Variants in KCNQ1 observed in about 807,000 individuals in gnomAD.
KCNQ1 encodes the protein potassium voltage-gated channel subfamily Q member 1.
Under a neutral mutation model 72.4 loss-of-function variants are expected in KCNQ1, and 49 were observed. That is an observed-to-expected ratio of 0.68 (90% CI 0.54 to 0.86). KCNQ1 has a LOEUF of 0.86. Ranked by LOEUF, KCNQ1 falls within the 40% of genes least tolerant of loss-of-function variation. The pLI is 0.00. For synonymous variants in KCNQ1, 450 were observed against 412.6 expected, an observed-to-expected ratio of 1.09 and a Z score of -1.10; for missense variants, 790 against 945.1, an observed-to-expected ratio of 0.84 and a Z score of 2.15.
Position 2,654,235 on chromosome 11 carries a change from C to G in KCNQ1, c.1394-7726C>G. 1 of 398,672 alleles carries G rather than the reference C, an allele frequency of 2.5e-6. No individual in the cohort carries two copies. Among genetic ancestry groups the G allele is most frequent in the South Asian group, 1.3e-4 (1 of 7,856 alleles). 24.7% of individuals were successfully genotyped at this position (398,672 alleles called of 1,614,324 possible). Reference sequence around the variant, plus strand: ...CCTGGCTGCAGCTGTCCGGATGCCCCTGGGGAGGGCTTCTCCTTCACAGTG... The same window carrying G: ...CCTGGCTGCAGCTGTCCGGATGCCCGTGGGGAGGGCTTCTCCTTCACAGTG... On this transcript the variant is annotated intron_variant, in intron 10 of 15. Transcript: ENST00000155840. The surrounding 1 kb of genome is among the most constrained non-coding windows in gnomAD (Gnocchi z 6.4).
At chr11:2,553,804 C>T (rs1389613044) in intron 2 of KCNQ1, among the ~76,000 whole-genome samples, 1 of 152,098 alleles carries the variant, frequency 6.6e-6, no homozygotes, top group East Asian at 1.9e-4. Flanking sequence ...CAGCCTCTGC[C>T]TCCCAGGCTC....
chr11:2,528,086 G>A, intron 2 of KCNQ1, 68 bp downstream of exon 2: 2 of 1,357,274 alleles, frequency 1.5e-6, no homozygotes, highest in Non-Finnish European at 2.1e-6. Flanking sequence ...CCCTGGCGCT[G>A]GGCCCCATAA....
rs1384119120 is a variant in KCNQ1, at chr11:2,687,197, G to A, written c.1514+25116G>A. 5.0e-6 allele frequency: 2 copies of A among 398,646 alleles called. No homozygotes were observed. Among genetic ancestry groups the A allele is most frequent in the Non-Finnish European group, 8.8e-6 (2 of 226,076 alleles). The allele number at this position is 398,646 out of a possible 1,614,324, so 24.7% of individuals were successfully genotyped here. On this transcript the variant is annotated intron_variant, in intron 11 of 15. Transcript: ENST00000155840. The surrounding 1 kb of genome is among the most constrained non-coding windows in gnomAD (Gnocchi z 5.0). ...CTGCCAAAAGCCCAGGCTGGATAGG[G>A]AGCATCACACTGTTGGGAAATGTGC... is the stretch of plus-strand genomic sequence containing the variant.
chr11:2,615,677 A>G (rs1849049095), intron 10 of KCNQ1: 2 of 397,966 alleles, frequency 5.0e-6, no homozygotes, highest in South Asian at 1.3e-4. Context: ...AATGTGGTGT[A>G]TTACATTGAT....
intron 2 of KCNQ1, among the ~76,000 whole-genome samples, chr11:2,560,143 G>A (rs1300390398): frequency 9.1e-6 from 1 of 110,104 alleles, no homozygotes; most frequent in African/African-American, 3.5e-5. Context: ...GGGGGGAGAT[G>A]TCCAGCCCAG....
At chr11:2,542,169 T>A (rs769964982) in intron 2 of KCNQ1, among the ~76,000 whole-genome samples, 1 of 152,242 alleles carries the variant, frequency 6.6e-6, no homozygotes, top group Non-Finnish European at 1.5e-5. Flanking sequence ...TCCTCATGTG[T>A]GAAATTCAGG....
Position 2,626,164 on chromosome 11 carries a change from A to G in KCNQ1, c.1394-35797A>G, listed in dbSNP as rs192425187. 3 of 382,356 alleles carry G rather than the reference A, an allele frequency of 7.8e-6. No individual in the cohort carries two copies. The highest frequency in any genetic ancestry group is 3.6e-5 in the East Asian group (1 of 28,058). The allele number at this position is 382,356 out of a possible 1,614,324, so 23.7% of individuals were successfully genotyped here. A position where few individuals can be genotyped will look rare whatever the true frequency, so the allele number is the denominator to read the frequency against. On this transcript the variant is annotated intron_variant, in intron 10 of 15. Transcript: ENST00000155840. The surrounding 1 kb of genome is among the most constrained non-coding windows in gnomAD (Gnocchi z 4.0). ...GCCAATGATGTAAAGTTTTTCCCCTATGTTTCCTTATAAGACTTCATAGTT... is the reference window on the plus strand; with the variant it reads ...GCCAATGATGTAAAGTTTTTCCCCTGTGTTTCCTTATAAGACTTCATAGTT...
rs1158683877 is a variant in KCNQ1, at chr11:2,538,511, C to T, written c.477+10493C>T. On this transcript the variant is annotated intron_variant, in intron 2 of 15. Transcript: ENST00000155840. The surrounding 1 kb of genome is among the most constrained non-coding windows in gnomAD (Gnocchi z 6.7). ...GACAGGGTTTGGATTGGCTGCGTTC[C>T]TGTCTGAAGGCAGCTGCTTGGGAGG... Among the ~76,000 whole-genome samples the T allele has an allele frequency of 6.6e-6, 1 of 152,198 alleles. No homozygotes were observed. The highest frequency in any genetic ancestry group is 2.4e-5 in the African/African-American group (1 of 41,450).
intron 11 of KCNQ1, among the ~76,000 whole-genome samples, chr11:2,705,556 G>A (rs1850894731): frequency 6.6e-6 from 1 of 152,172 alleles, no homozygotes; most frequent in Admixed American, 6.5e-5. Flanking sequence ...ACCTTCCAGA[G>A]GCAGCTTCCT....
rs191961588 is a variant in KCNQ1 at position 2,637,277 on chromosome 11, G to C, written c.1394-24684G>C. 5.3e-5 allele frequency: 8 copies of C among 152,202 alleles called. No homozygotes were observed. The East Asian group carries it at 1.5e-3, about 29-fold the overall frequency. The allele number at this position is 152,202 out of a possible 1,614,324, so 9.4% of individuals were successfully genotyped here. A position where few individuals can be genotyped will look rare whatever the true frequency, so the allele number is the denominator to read the frequency against. Reference sequence around the variant, plus strand: ...TAGTTCTTTTAATTGTGATGTTAGGGCATCAATTTTAGATTTTTCCTGCTT... The same window carrying C: ...TAGTTCTTTTAATTGTGATGTTAGGCCATCAATTTTAGATTTTTCCTGCTT... On this transcript the variant is annotated intron_variant, in intron 10 of 15. Transcript: ENST00000155840.
At chr11:2,527,002 T>A (rs1210012547) in intron 1 of KCNQ1, among the ~76,000 whole-genome samples, 1 of 151,980 alleles carries the variant, frequency 6.6e-6, no homozygotes, top group Non-Finnish European at 1.5e-5. Context: ...CCGGAGCCCG[T>A]GGGAATCCCC....
chr11:2,502,319 A>G (rs986002978), intron 1 of KCNQ1, among the ~76,000 whole-genome samples: 7 of 152,218 alleles, frequency 4.6e-5, no homozygotes, highest in African/African-American at 9.6e-5. Flanking sequence ...CAAAAAAACT[A>G]TTAGAACTGA....
intron 2 of KCNQ1, among the ~76,000 whole-genome samples, chr11:2,554,926 C>G (rs1162639896): frequency 6.6e-6 from 1 of 152,352 alleles, no homozygotes; most frequent in Middle Eastern, 3.4e-3. Context: ...ATTAAAATCT[C>G]TAGATTTGCA....
At chr11:2,570,311 G>A (rs529727499) in intron 2 of KCNQ1, among the ~76,000 whole-genome samples, 11 of 151,364 alleles carry the variant, frequency 7.3e-5, no homozygotes, top group African/African-American at 2.2e-4. Context: ...CCCAAGCTGG[G>A]GTTCCTGGTG....
At chr11:2,465,605 T>G (rs2133588599) in intron 1 of KCNQ1, among the ~76,000 whole-genome samples, 1 of 152,318 alleles carries the variant, frequency 6.6e-6, no homozygotes, top group South Asian at 2.1e-4. Context: ...CTCTCACACC[T>G]TGCTCACGCT....
rs367806314 is a variant in KCNQ1 at position 2,516,259 on chromosome 11, T to C, written c.387-11669T>C. On this transcript the variant is annotated intron_variant, in intron 1 of 15. Coordinates refer to ENST00000155840, the MANE Select transcript of KCNQ1 (RefSeq NM_000218.3). This position sits in a 1 kb window ranked among gnomAD's most constrained non-coding sequence, Gnocchi z 7.0. The stretch of plus-strand genomic sequence containing the variant: ...CCTCTCTGAGCTTCCTCCTCTCCTG[T>C]GAACAAAGGATGGGTCCACTTCTCA... Among the ~76,000 whole-genome samples the C allele has an allele frequency of 1.2e-4, 18 of 152,150 alleles. No homozygotes were observed. The East Asian group carries it at 1.7e-3, about 15-fold the overall frequency.
Position 2,671,961 on chromosome 11 carries a change from G to A in KCNQ1, c.1514+9880G>A, listed in dbSNP as rs1850191104. The A allele has an allele frequency of 5.0e-6, 2 of 398,360 alleles. No individual in the cohort carries two copies. Among genetic ancestry groups the A allele is most frequent in the Admixed American group, 4.4e-5 (1 of 22,694 alleles). 24.7% of individuals were successfully genotyped at this position (398,360 alleles called of 1,614,324 possible). A position where few individuals can be genotyped will look rare whatever the true frequency, so the allele number is the denominator to read the frequency against. ...CTCTGTATCTGGGGTAGAAAGAGTG[G>A]GCTAAAAAGTCAGCTAGCACCCCTG... On this transcript the variant is annotated intron_variant, in intron 11 of 15. Coordinates refer to ENST00000155840, the MANE Select transcript of KCNQ1 (RefSeq NM_000218.3). The surrounding 1 kb of genome is among the most constrained non-coding windows in gnomAD (Gnocchi z 4.7).
At chr11:2,797,930 A>G (rs1786478345) in intron 15 of KCNQ1, among the ~76,000 whole-genome samples, 2 of 152,200 alleles carry the variant, frequency 1.3e-5, no homozygotes, top group Non-Finnish European at 2.9e-5. Context: ...CAGGCAGCCC[A>G]GGCTGCTCAG....
intron 11 of KCNQ1, among the ~76,000 whole-genome samples, chr11:2,765,307 T>G (rs1373561903): frequency 1.3e-5 from 2 of 152,240 alleles, no homozygotes; most frequent in African/African-American, 4.8e-5. Context: ...GATTCCCTAG[T>G]TATCTCTTTT....
Sources: allele counts gnomAD v4.1 joint callset (sites outside exome capture counted in the v4.1 genomes callset), GRCh38; gene constraint gnomAD v4.1.1; non-coding constraint Gnocchi (gnomAD v3.1); transcripts MANE v1.5; gene names NCBI Gene and HGNC (gene_info 2026-07-23, HGNC 2026-07-21).